The following TCP11 variants were observed in gnomAD, a reference collection of about 807,000 sequenced individuals.
The protein encoded by TCP11 is T-complex protein 11 homolog.
TCP11 carries 34 observed loss-of-function variants against 45.0 expected under a neutral mutation model. The ratio of observed to expected loss-of-function variants is 0.76; its 90% confidence interval spans 0.57 to 1.01. TCP11 has a LOEUF of 1.01. Among genes scored for constraint, TCP11 ranks in the 50% least tolerant of loss-of-function variants. The probability of loss-of-function intolerance (pLI) is 0.00; values close to 1 mark genes in which losing one functional copy is unlikely to be tolerated. For synonymous variants in TCP11, 227 were observed against 227.0 expected (o/e 1.00, Z 0.00); for missense variants, 523 against 598.1 (o/e 0.87, Z 1.31).
chr6:35,130,431 A>T (rs2127669083), intron 3 of TCP11, among the ~76,000 whole-genome samples: 1 of 152,300 alleles, frequency 6.6e-6, no homozygotes, highest in South Asian at 2.1e-4. Context: ...ACACACTAGG[A>T]AACAATCTTT....
At chr6:35,132,456 C>A (rs1346395427) in intron 3 of TCP11, among the ~76,000 whole-genome samples, 1 of 152,230 alleles carries the variant, frequency 6.6e-6, no homozygotes, top group African/African-American at 2.4e-5. Context: ...GTCTCCCCTA[C>A]AAAAGTTTCT....
intron 3 of TCP11, among the ~76,000 whole-genome samples, chr6:35,130,905 T>C (rs1474146766): frequency 6.6e-6 from 1 of 152,224 alleles, no homozygotes; most frequent in Non-Finnish European, 1.5e-5. Flanking sequence ...CACGAAAACC[T>C]GCACACAAAT....
At position 35,118,293 on chromosome 6, in the gene TCP11, CA is replaced by C; in HGVS notation, c.1487del (p.Leu496ArgfsTer30). On this transcript the variant is annotated frameshift_variant, in exon 10 of 10. Transcript: ENST00000311875. LOFTEE classifies it high-confidence loss of function. ...LKTLISPAQA[L>X]ETKVESV ...ATCAAACAGACTCCACTTTTGTTTC[CA>C]GTGCCTGGGCTGGGGAAATGAGGGT... 6.2e-7 allele frequency: 1 copy of C among 1,614,112 alleles called. No homozygotes were observed. The highest frequency in any genetic ancestry group is 8.5e-7 in the Non-Finnish European group (1 of 1,180,000).
Position 35,118,351 on chromosome 6 carries a change from A to G in TCP11, c.1430T>C (p.Val477Ala). ...FVNLTHHNQQ[V>A]FGPYYTEILK... ...GATCTCAGTGTAGTAGGGACCAAACACCTGCTGATTGTGATGTGTCAAGTT... is the reference window on the plus strand; with the variant it reads ...GATCTCAGTGTAGTAGGGACCAAACGCCTGCTGATTGTGATGTGTCAAGTT... The change falls in exon 10 of 10, where the codon GTG becomes GCG. Residue 477 changes from valine (V) to alanine (A), a missense_variant. Val to Ala is a moderately conservative substitution (Grantham distance 64). Around this residue, in one of 2 missense-constraint regions of TCP11, gnomAD observed 298 missense variants for 387.9 expected, o/e 0.77. Coordinates refer to ENST00000311875, the MANE Select transcript of TCP11 (RefSeq NM_001370687.1). 6.2e-7 allele frequency: 1 copy of G among 1,614,074 alleles called. No homozygotes were observed. Among genetic ancestry groups the G allele is most frequent in the Non-Finnish European group, 8.5e-7 (1 of 1,180,002 alleles).
At chr6:35,119,928 C>T (rs1465304043) in intron 8 of TCP11, among the ~76,000 whole-genome samples, 1 of 152,182 alleles carries the variant, frequency 6.6e-6, no homozygotes, top group East Asian at 1.9e-4. Context: ...CACCACTCAA[C>T]TAGATAATGA....
chr6:35,131,853 C>T (rs1044425476), intron 3 of TCP11, among the ~76,000 whole-genome samples: 1 of 152,122 alleles, frequency 6.6e-6, no homozygotes, highest in Admixed American at 6.5e-5. Context: ...CCACTCGCCT[C>T]GGCCTCCCAA....
In TCP11 at chr6:35,136,229, A is replaced by G; in HGVS notation, c.125-11T>C. ...CTGTGACAGAAAGAACTGATGGTGG[A>G]CAACAATGAGCCCATGCAAGTCTGA... On this transcript the variant is annotated splice_polypyrimidine_tract_variant and intron_variant, in intron 2 of 9. Transcript: ENST00000311875. The G allele has an allele frequency of 6.2e-7, 1 of 1,603,924 alleles. No homozygotes were observed. Among genetic ancestry groups the G allele is most frequent in the Non-Finnish European group, 8.5e-7 (1 of 1,171,898 alleles).
chr6:35,140,357 GGACACTACTATTTC>G, intron 2 of TCP11: 1 of 620,482 alleles, frequency 1.6e-6, no homozygotes, highest in African/African-American at 1.8e-5. Context: ...ACTGGGCCCA[GGACACTACTATTTC>G]TTGAGTTAGC....
At chr6:35,129,836 A>G (rs1780204633) in intron 3 of TCP11, among the ~76,000 whole-genome samples, 1 of 152,192 alleles carries the variant, frequency 6.6e-6, no homozygotes, top group South Asian at 2.1e-4. Flanking sequence ...ATGCGATGGC[A>G]CAATCAAGGC....
At chr6:35,140,239 GA>G in intron 2 of TCP11, 1 of 1,502,556 alleles carries the variant, frequency 6.7e-7, no homozygotes, top group South Asian at 1.2e-5. Flanking sequence ...GAGATTAAGA[GA>G]AATACAGCAT....
intron 4 of TCP11, among the ~76,000 whole-genome samples, chr6:35,125,381 G>A (rs1779713424): frequency 6.6e-6 from 1 of 152,048 alleles, no homozygotes; most frequent in South Asian, 2.1e-4. Flanking sequence ...ACATTTCTTT[G>A]AAGAAGATGT....
chr6:35,130,265 G>A (rs1780248759), intron 3 of TCP11, among the ~76,000 whole-genome samples: 1 of 152,104 alleles, frequency 6.6e-6, no homozygotes, highest in Admixed American at 6.5e-5. Context: ...AGATAACATA[G>A]GAGGAAATAT....
Position 35,136,356 on chromosome 6 carries a change from G to A in TCP11, c.125-138C>T, listed in dbSNP as rs1781110337. The stretch of plus-strand genomic sequence containing the variant: ...TCACCCAACTATTCTAGTGATTTAT[G>A]TTTTCTGCACTCTATGCCCCACGAC... On this transcript the variant is annotated intron_variant, in intron 2 of 9. Coordinates refer to ENST00000311875, the MANE Select transcript of TCP11 (RefSeq NM_001370687.1). 1.5e-5 allele frequency: 9 copies of A among 617,400 alleles called. No individual in the cohort carries two copies. The South Asian group carries it at 2.0e-4, about 14-fold the overall frequency. 38.2% of individuals were successfully genotyped at this position (617,400 alleles called of 1,614,324 possible).
At position 35,129,176 on chromosome 6, in the gene TCP11, T is replaced by C. The variant is rs1780143569; in HGVS notation, c.243A>G (p.Glu81=). 1.9e-6 allele frequency: 3 copies of C among 1,613,352 alleles called. No homozygotes were observed. The highest frequency in any genetic ancestry group is 2.5e-6 in the Non-Finnish European group (3 of 1,179,774). The change falls in exon 4 of 10, where the codon GAA becomes GAG. Residue 81 remains glutamate, a synonymous_variant. Coordinates refer to ENST00000311875, the MANE Select transcript of TCP11 (RefSeq NM_001370687.1). The part of the protein sequence containing the change: ...EEKVLPPSSL[E]GKVKETVHNA... ...TGTGCACTGTCTCCTTGACCTTGCC[T>C]TCCAGACTATAAGAGGGTTAAATGA...
At chr6:35,132,040 T>G (rs1290988731) in intron 3 of TCP11, among the ~76,000 whole-genome samples, 1 of 152,254 alleles carries the variant, frequency 6.6e-6, no homozygotes, top group Non-Finnish European at 1.5e-5. Flanking sequence ...CATGATGTAA[T>G]GCTTATTTAA....
chr6:35,120,381 A>G lies in TCP11; in HGVS notation c.934-41T>C, dbSNP rs1779100011. 1.3e-6 allele frequency: 2 copies of G among 1,598,418 alleles called. No homozygotes were observed. The highest frequency in any genetic ancestry group is 3.4e-5 in the Admixed American group (2 of 58,388). ...GAACAGGCTGTCAGGGGAAGTCCCG[A>G]TGGAAGCCCTGAACACAAAACAAGG... On this transcript the variant is annotated intron_variant, in intron 7 of 9. Coordinates refer to ENST00000311875, the MANE Select transcript of TCP11 (RefSeq NM_001370687.1). The surrounding 1 kb of genome is among the most constrained non-coding windows in gnomAD (Gnocchi z 4.9).
chr6:35,127,959 T>C (rs1454928518), intron 4 of TCP11, among the ~76,000 whole-genome samples: 2 of 152,240 alleles, frequency 1.3e-5, no homozygotes, highest in Non-Finnish European at 2.9e-5. Flanking sequence ...GTCCTTTCCA[T>C]ATCTTTCCTT....
chr6:35,139,366 C>G (rs780664612), intron 2 of TCP11, among the ~76,000 whole-genome samples: 2 of 152,024 alleles, frequency 1.3e-5, no homozygotes, highest in African/African-American at 4.8e-5. Context: ...AGCAGACTTA[C>G]GATATTTAAA....
intron 4 of TCP11, 136 bp downstream of exon 4, chr6:35,128,924 TTA>T: frequency 8.8e-7 from 1 of 1,130,138 alleles, no homozygotes; most frequent in Non-Finnish European, 1.2e-6. Flanking sequence ...CCTGCTAAAA[TTA>T]CTGTATGATT....
Sources: allele counts gnomAD v4.1 joint callset (sites outside exome capture counted in the v4.1 genomes callset), GRCh38; gene constraint gnomAD v4.1.1; regional missense constraint gnomAD v4.1.1; non-coding constraint Gnocchi (gnomAD v3.1); transcripts MANE v1.5; gene names NCBI Gene and HGNC (gene_info 2026-07-23, HGNC 2026-07-21).